Variants in PSMG1 observed in about 807,000 individuals in gnomAD.
The protein encoded by PSMG1 is proteasome assembly chaperone 1, also known as Down syndrome critical region gene 2.
Under a neutral mutation model 37.2 loss-of-function variants are expected in PSMG1, and 23 were observed. The observed-to-expected ratio is 0.62, with a 90% CI of 0.44 to 0.88. The LOEUF is 0.88. PSMG1 is among the 40% of genes least tolerant of loss of function. PSMG1 has a pLI of 0.00. For synonymous variants in PSMG1, 127 were observed against 128.0 expected (o/e 0.99, Z 0.05); for missense variants, 340 against 344.2 (o/e 0.99, Z 0.10).
At chr21:39,176,263 T>A (rs1406093742) in intron 6 of PSMG1, among the ~76,000 whole-genome samples, 2 of 152,206 alleles carry the variant, frequency 1.3e-5, no homozygotes, top group African/African-American at 2.4e-5. Flanking sequence ...AATTTCCCCT[T>A]GAAAGTATAT....
At chr21:39,180,039 A>G in intron 3 of PSMG1, 53 bp from the exon 4 acceptor site, 1 of 1,538,940 alleles carries the variant, frequency 6.5e-7, no homozygotes, top group Non-Finnish European at 9.0e-7. Flanking sequence ...ACACACCACA[A>G]ACTATCACCA....
intron 1 of PSMG1, 140 bp downstream of exon 1, chr21:39,183,112 C>G: frequency 1.8e-6 from 2 of 1,112,964 alleles, no homozygotes; most frequent in Non-Finnish European, 2.4e-6. Context: ...ACCCAGGGCC[C>G]AAGCAGAGCC....
chr21:39,178,684 T>A, intron 4 of PSMG1, 37 bp from the exon 5 acceptor site: 1 of 1,550,506 alleles, frequency 6.4e-7, no homozygotes, highest in Non-Finnish European at 8.8e-7. Context: ...AAAAAACATA[T>A]AATTTTGTTA....
At chr21:39,180,845 T>C (rs1225878653) in intron 2 of PSMG1, among the ~76,000 whole-genome samples, 2 of 152,208 alleles carry the variant, frequency 1.3e-5, no homozygotes, top group Non-Finnish European at 1.5e-5. Flanking sequence ...AATGTTCTCA[T>C]CACAACCTGT....
intron 6 of PSMG1, 86 bp downstream of exon 6, chr21:39,177,349 G>A (rs1312810418): frequency 8.6e-6 from 11 of 1,275,230 alleles, no homozygotes; most frequent in Admixed American, 2.8e-5. Flanking sequence ...CATTGCTTAG[G>A]GTTTAAAATG....
Position 39,177,427 on chromosome 21 carries a change from A to T in PSMG1, c.792+8T>A. 6.3e-7 allele frequency: 1 copy of T among 1,574,818 alleles called. No individual in the cohort carries two copies. The highest frequency in any genetic ancestry group is 8.6e-7 in the Non-Finnish European group (1 of 1,166,304). On this transcript the variant is annotated splice_region_variant and intron_variant, in intron 6 of 6. Transcript: ENST00000331573. ...GCAGCTATTAATTTAAATGAGTTAA[A>T]ACCTTACCTTAACCAAACCCTTCAA...
intron 1 of PSMG1, among the ~76,000 whole-genome samples, chr21:39,182,607 G>A (rs1262793623): frequency 2.0e-5 from 3 of 152,142 alleles, no homozygotes; most frequent in Non-Finnish European, 4.4e-5. Flanking sequence ...AGAGGTGAAA[G>A]GCCATGATGA....
intron 4 of PSMG1, 105 bp downstream of exon 4, chr21:39,179,816 AAAG>A: frequency 1.1e-6 from 1 of 951,372 alleles, no homozygotes; most frequent in South Asian, 1.8e-5. Context: ...ACAATATTTT[AAAG>A]AAATAAATAT....
rs187476241 is a variant in PSMG1, at chr21:39,177,334, C to T, written c.792+101G>A. On this transcript the variant is annotated intron_variant, in intron 6 of 6. Coordinates refer to ENST00000331573, the MANE Select transcript of PSMG1 (RefSeq NM_003720.4). ...GCTTCGCTTTGAGAAGAATGGATCT[C>T]CAAGCATTGCTTAGGGTTTAAAATG... 5.0e-4 allele frequency: 586 copies of T among 1,176,474 alleles called. 3 individuals carry two copies. In the African/African-American group the frequency reaches 7.8e-3, roughly 16 times the overall value. The allele number at this position is 1,176,474 out of a possible 1,614,324, so 72.9% of individuals were successfully genotyped here. A position where few individuals can be genotyped will look rare whatever the true frequency, so the allele number is the denominator to read the frequency against.
rs1047597710 is a variant in PSMG1, at chr21:39,175,065, A to G, written c.*525T>C. 1 of 152,248 alleles carries G rather than the reference A, an allele frequency of 6.6e-6. No individual in the cohort carries two copies. Among genetic ancestry groups the G allele is most frequent in the East Asian group, 1.9e-4 (1 of 5,206 alleles). The allele number at this position is 152,248 out of a possible 1,614,324, so 9.4% of individuals were successfully genotyped here. A position where few individuals can be genotyped will look rare whatever the true frequency, so the allele number is the denominator to read the frequency against. On this transcript the variant is annotated 3_prime_UTR_variant, in exon 7 of 7. Transcript: ENST00000331573. ...AACTTTCCACATATTAAGAATCACC[A>G]ACAGGTCAATGAATAGTTACACCTA...
Position 39,183,309 on chromosome 21 carries a change from T to G in PSMG1, c.77A>C (p.Glu26Ala). 1 of 1,516,030 alleles carries G rather than the reference T, an allele frequency of 6.6e-7. No individual in the cohort carries two copies. The highest frequency in any genetic ancestry group is 8.9e-7 in the Non-Finnish European group (1 of 1,126,910). 93.9% of individuals were successfully genotyped at this position (1,516,030 alleles called of 1,614,324 possible). ...GTCCTCGGGCGTCTCCCTCCGCCCC[T>G]CCTCCTCCTCCTCTTCGTCCTCAGT... ...AGTEDEEEEE[E>A]GRRETPEDRE... is the part of the protein sequence containing the mutation. Residue 26 changes from glutamate (E) to alanine (A), a missense_variant, in exon 1 of 7, where the codon GAG (glutamate) becomes GCG (alanine). Physicochemically the swap from Glu to Ala is moderately radical, Grantham distance 107. Coordinates refer to ENST00000331573, the MANE Select transcript of PSMG1 (RefSeq NM_003720.4).
chr21:39,178,761 G>A (rs1400606599), intron 4 of PSMG1, 114 bp from the exon 5 acceptor site: 5 of 986,812 alleles, frequency 5.1e-6, no homozygotes, highest in Non-Finnish European at 5.9e-6. Flanking sequence ...CCTAGCAGGG[G>A]TGGGAGTGTG....
chr21:39,181,982 T>C (rs1459652306), intron 1 of PSMG1, 104 bp from the exon 2 acceptor site: 1 of 647,410 alleles, frequency 1.5e-6, no homozygotes, highest in East Asian at 3.4e-5. Flanking sequence ...TGCACGTTAG[T>C]TTTATAAAGA....
chr21:39,182,258 G>T lies in PSMG1; in HGVS notation c.135-380C>A, dbSNP rs1239189101. On this transcript the variant is annotated intron_variant, in intron 1 of 6. Coordinates refer to ENST00000331573, the MANE Select transcript of PSMG1 (RefSeq NM_003720.4). The stretch of plus-strand genomic sequence containing the variant: ...CTCCAAATGAACATTCATTTTACAG[G>T]ACATGCAGGTGATACAAACGTTAAG... 3.3e-5 allele frequency among the ~76,000 whole-genome samples: 5 copies of T among 152,272 alleles called. No homozygotes were observed. In the South Asian group the frequency reaches 1.0e-3, roughly 32 times the overall value.
rs2030908097 is a variant in PSMG1 at position 39,182,879 on chromosome 21, C to G, written c.134+373G>C. 2.6e-5 allele frequency among the ~76,000 whole-genome samples: 4 copies of G among 152,258 alleles called. No individual in the cohort carries two copies. In the South Asian group the frequency reaches 8.3e-4, roughly 32 times the overall value. ...ACAAACGTGGTGGGGCCCGCGGGAGCGCTGCGGCCCAAGACAGTGTGACAA... is the reference window on the plus strand; with the variant it reads ...ACAAACGTGGTGGGGCCCGCGGGAGGGCTGCGGCCCAAGACAGTGTGACAA... On this transcript the variant is annotated intron_variant, in intron 1 of 6. Coordinates refer to ENST00000331573, the MANE Select transcript of PSMG1 (RefSeq NM_003720.4).
chr21:39,176,969 G>A (rs1268935803), intron 6 of PSMG1, among the ~76,000 whole-genome samples: 1 of 152,272 alleles, frequency 6.6e-6, no homozygotes, highest in Non-Finnish European at 1.5e-5. Flanking sequence ...TTTAGAAAAT[G>A]AGACCAAAGG....
chr21:39,182,184 A>G (rs2030854315), intron 1 of PSMG1, among the ~76,000 whole-genome samples: 1 of 152,254 alleles, frequency 6.6e-6, no homozygotes, highest in African/African-American at 2.4e-5. Context: ...AGCACCACTT[A>G]GTAGAAGCAT....
At chr21:39,177,621 T>C in intron 5 of PSMG1, 50 bp from the exon 6 acceptor site, 2 of 1,389,738 alleles carry the variant, frequency 1.4e-6, no homozygotes, top group Non-Finnish European at 1.9e-6. Flanking sequence ...ATTATGTTAC[T>C]TTTAAATTAA....
chr21:39,178,734 C>T, intron 4 of PSMG1, 87 bp from the exon 5 acceptor site: 3 of 1,230,552 alleles, frequency 2.4e-6, no homozygotes, highest in Non-Finnish European at 3.4e-6. Context: ...CCTAACACCA[C>T]AGACAATAAT....
Sources: allele counts gnomAD v4.1 joint callset (sites outside exome capture counted in the v4.1 genomes callset), GRCh38; gene constraint gnomAD v4.1.1; transcripts MANE v1.5; gene names NCBI Gene and HGNC (gene_info 2026-07-23, HGNC 2026-07-21).